The following ARRDC4 variants were observed in gnomAD, a reference collection of about 807,000 sequenced individuals.
ARRDC4 encodes arrestin domain-containing protein 4.
In ARRDC4, 40 loss-of-function variants were observed where a neutral mutation model predicts 44.6. The observed-to-expected ratio is 0.90, with a 90% CI of 0.70 to 1.17. The LOEUF (loss-of-function observed/expected upper bound fraction) is 1.17. Ranked by LOEUF, ARRDC4 falls within the 50% of genes most tolerant of loss-of-function variation. The probability of loss-of-function intolerance (pLI) is 0.00; values close to 1 mark genes in which losing one functional copy is unlikely to be tolerated. For missense variants in ARRDC4, 550 were observed against 559.1 expected (o/e 0.98, Z 0.16); for synonymous variants, 211 against 221.2 (o/e 0.95, Z 0.41).
chr15:97,969,425 A>G lies in ARRDC4; in HGVS notation c.882+46A>G, dbSNP rs896868470. 1.9e-6 allele frequency: 3 copies of G among 1,595,968 alleles called. No homozygotes were observed. In the African/African-American group the frequency reaches 4.0e-5, roughly 21 times the overall value. ...AAAAAAAATGTGTATGATGGACAAT[A>G]ACTGATGTCATGTTACTGTGGGTAT... is the stretch of plus-strand genomic sequence containing the variant. On this transcript the variant is annotated intron_variant, in intron 5 of 7. Coordinates refer to ENST00000268042, the MANE Select transcript of ARRDC4 (RefSeq NM_183376.3).
At position 97,972,419 on chromosome 15, in the gene ARRDC4, G is replaced by C. The variant is rs1899531707; in HGVS notation, c.*1232G>C. 6.6e-6 allele frequency: 1 copy of C among 152,452 alleles called. No homozygotes were observed. Among genetic ancestry groups the C allele is most frequent in the Non-Finnish European group, 1.5e-5 (1 of 68,012 alleles). The allele number at this position is 152,452 out of a possible 1,614,324, so 9.4% of individuals were successfully genotyped here. On this transcript the variant is annotated 3_prime_UTR_variant, in exon 8 of 8. Transcript: ENST00000268042. This position sits in a 1 kb window ranked among gnomAD's most constrained non-coding sequence, Gnocchi z 5.3. ...AACTGTGATTTTCTTTATTGTGTTG[G>C]TGCAATATTTTATTATCATTTAACC...
In ARRDC4 at chr15:97,970,054, T is replaced by C. The variant is rs773513962; in HGVS notation, c.1045+9T>C. 4 of 1,601,742 alleles carry C rather than the reference T, an allele frequency of 2.5e-6. No homozygotes were observed. The highest frequency in any genetic ancestry group is 1.3e-5 in the African/African-American group (1 of 74,616). ...GCCAGAGCAGCCTGAAGGTAAAATA[T>C]GTTGGCGTTCTTTCATAACGAAGCT... On this transcript the variant is annotated intron_variant, in intron 6 of 7. Transcript: ENST00000268042. The surrounding 1 kb of genome is among the most constrained non-coding windows in gnomAD (Gnocchi z 4.2).
rs560510859 is a variant in ARRDC4, at chr15:97,961,446, A to G, written c.307+278A>G. Among the ~76,000 whole-genome samples, 8 of 152,166 alleles carry G rather than the reference A, an allele frequency of 5.3e-5. No individual in the cohort carries two copies. The South Asian group carries it at 1.7e-3, about 32-fold the overall frequency. ...GAGGGGGCCATTGGGTGCGGTGGGAACCTGTGATTGGACAATGGGGGATCC... is the reference window on the plus strand; with the variant it reads ...GAGGGGGCCATTGGGTGCGGTGGGAGCCTGTGATTGGACAATGGGGGATCC... On this transcript the variant is annotated intron_variant, in intron 1 of 7. Coordinates refer to ENST00000268042, the MANE Select transcript of ARRDC4 (RefSeq NM_183376.3).
At position 97,970,872 on chromosome 15, in the gene ARRDC4, C is replaced by G; in HGVS notation, c.1200+129C>G. On this transcript the variant is annotated intron_variant, in intron 7 of 7. Transcript: ENST00000268042. This position sits in a 1 kb window ranked among gnomAD's most constrained non-coding sequence, Gnocchi z 4.2. The stretch of plus-strand genomic sequence containing the variant: ...AGGGATACATTTAAATTTGTTTATA[C>G]AGTGGTAATAGATTATCGCTGATTC... 1 of 1,177,576 alleles carries G rather than the reference C, an allele frequency of 8.5e-7. No homozygotes were observed. Among genetic ancestry groups the G allele is most frequent in the Admixed American group, 2.5e-5 (1 of 39,742 alleles). The allele number at this position is 1,177,576 out of a possible 1,614,324, so 72.9% of individuals were successfully genotyped here. A position where few individuals can be genotyped will look rare whatever the true frequency, so the allele number is the denominator to read the frequency against.
In ARRDC4 at chr15:97,965,714, C is replaced by T. The variant is rs758024203; in HGVS notation, c.374+48C>T. Reference sequence around the variant, plus strand: ...GTGGTTATCCTTCTCTGCAGTATGTCCATTCAAGTTTATCACTGCTAGGTC... The same window carrying T: ...GTGGTTATCCTTCTCTGCAGTATGTTCATTCAAGTTTATCACTGCTAGGTC... On this transcript the variant is annotated intron_variant, in intron 2 of 7. Coordinates refer to ENST00000268042, the MANE Select transcript of ARRDC4 (RefSeq NM_183376.3). This position sits in a 1 kb window ranked among gnomAD's most constrained non-coding sequence, Gnocchi z 5.1. 3 of 1,554,462 alleles carry T rather than the reference C, an allele frequency of 1.9e-6. No individual in the cohort carries two copies. Among genetic ancestry groups the T allele is most frequent in the Non-Finnish European group, 2.7e-6 (3 of 1,126,004 alleles).
Position 97,969,184 on chromosome 15 carries a change from GGCT to G in ARRDC4, c.691_693del (p.Ala231del), listed in dbSNP as rs1899465791. ...GTTCCTCTCGTCTGATTGTTCCAAAGGCTGCTATTTTCCAAACGCAGACATATT... is the reference window on the plus strand; with the variant it reads ...GTTCCTCTCGTCTGATTGTTCCAAAGGCTATTTTCCAAACGCAGACATATT... On this transcript the variant is annotated inframe_deletion, in exon 5 of 8. Coordinates refer to ENST00000268042, the MANE Select transcript of ARRDC4 (RefSeq NM_183376.3). 1 of 1,613,844 alleles carries G rather than the reference GGCT, an allele frequency of 6.2e-7. No homozygotes were observed. The highest frequency in any genetic ancestry group is 8.5e-7 in the Non-Finnish European group (1 of 1,179,868).
chr15:97,964,258 T>A (rs905461993), intron 1 of ARRDC4, among the ~76,000 whole-genome samples: 12 of 152,176 alleles, frequency 7.9e-5, no homozygotes, highest in African/African-American at 2.9e-4. Context: ...GGATAAAAAA[T>A]TCCCATTTCA....
Position 97,968,132 on chromosome 15 carries a change from G to A in ARRDC4, c.625+16G>A, listed in dbSNP as rs780454761. On this transcript the variant is annotated intron_variant, in intron 4 of 7. Coordinates refer to ENST00000268042, the MANE Select transcript of ARRDC4 (RefSeq NM_183376.3). This position sits in a 1 kb window ranked among gnomAD's most constrained non-coding sequence, Gnocchi z 5.4. ...TACTGTAATGGTAAGCAAAATGCTT[G>A]AAAGTCCAAATGAAAGATTTCATTC... 1 of 1,469,134 alleles carries A rather than the reference G, an allele frequency of 6.8e-7. No homozygotes were observed. The highest frequency in any genetic ancestry group is 9.2e-7 in the Non-Finnish European group (1 of 1,085,198). 91.0% of individuals were successfully genotyped at this position (1,469,134 alleles called of 1,614,324 possible). A position where few individuals can be genotyped will look rare whatever the true frequency, so the allele number is the denominator to read the frequency against.
chr15:97,961,196 C>T (rs1290905169), intron 1 of ARRDC4, 28 bp downstream of exon 1: 2 of 1,376,114 alleles, frequency 1.5e-6, no homozygotes, highest in Admixed American at 3.9e-5. Flanking sequence ...CCTGGGGTTC[C>T]CCCGCCAGGC....
In ARRDC4 at chr15:97,967,572, A is replaced by T. The variant is rs1053226654; in HGVS notation, c.523-442A>T. Among the ~76,000 whole-genome samples, 4 of 150,884 alleles carry T rather than the reference A, an allele frequency of 2.7e-5. No homozygotes were observed. Among genetic ancestry groups the T allele is most frequent in the Non-Finnish European group, 5.9e-5 (4 of 67,990 alleles). ...AGTGGTGGGAAAAGGCTGTTTGTTT[A>T]TTCCACTTTATTAAATGCCAAAATA... On this transcript the variant is annotated intron_variant, in intron 3 of 7. Transcript: ENST00000268042. This position sits in a 1 kb window ranked among gnomAD's most constrained non-coding sequence, Gnocchi z 5.0.
chr15:97,968,777 C>G lies in ARRDC4; in HGVS notation c.626-346C>G, dbSNP rs545056562. Among the ~76,000 whole-genome samples, 1 of 152,170 alleles carries G rather than the reference C, an allele frequency of 6.6e-6. No homozygotes were observed. Among genetic ancestry groups the G allele is most frequent in the African/African-American group, 2.4e-5 (1 of 41,454 alleles). Reference sequence around the variant, plus strand: ...TAGGCAGATTTTAATTTGATAAGCACTAATGAGTTTGTTAGTGATCTTTTA... The same window carrying G: ...TAGGCAGATTTTAATTTGATAAGCAGTAATGAGTTTGTTAGTGATCTTTTA... On this transcript the variant is annotated intron_variant, in intron 4 of 7. Coordinates refer to ENST00000268042, the MANE Select transcript of ARRDC4 (RefSeq NM_183376.3). This position sits in a 1 kb window ranked among gnomAD's most constrained non-coding sequence, Gnocchi z 5.4.
In ARRDC4 at chr15:97,969,246, T is replaced by C. The variant is rs1899467385; in HGVS notation, c.749T>C (p.Met250Thr). Residue 250 changes from methionine to threonine, a missense_variant, in exon 5 of 8, where the codon ATG becomes ACG. Met to Thr is a moderately conservative substitution (Grantham distance 81). Transcript: ENST00000268042. ...GGAAAAACAAAGACCATTCGACACA[T>C]GGTCGCCAATGTGCGAGGAAACCAC... ...ASGKTKTIRH[M>T]VANVRGNHIA... is the part of the protein sequence containing the mutation. The C allele has an allele frequency of 6.2e-7, 1 of 1,613,924 alleles. No individual in the cohort carries two copies. Among genetic ancestry groups the C allele is most frequent in the Non-Finnish European group, 8.5e-7 (1 of 1,179,908 alleles).
In ARRDC4 at chr15:97,971,255, G is replaced by T; in HGVS notation, c.*68G>T. The T allele has an allele frequency of 6.8e-7, 1 of 1,463,392 alleles. No individual in the cohort carries two copies. The highest frequency in any genetic ancestry group is 9.6e-7 in the Non-Finnish European group (1 of 1,045,430). 90.7% of individuals were successfully genotyped at this position (1,463,392 alleles called of 1,614,324 possible). A position where few individuals can be genotyped will look rare whatever the true frequency, so the allele number is the denominator to read the frequency against. On this transcript the variant is annotated 3_prime_UTR_variant, in exon 8 of 8. Transcript: ENST00000268042. ...TTGGTTCTTTTCCTTCTGCCTTTTT[G>T]GGAAAGAGACAGGAAAGATTCACTT...
chr15:97,968,182 T>C lies in ARRDC4; in HGVS notation c.625+66T>C. Reference sequence around the variant, plus strand: ...CATTTTCTTAGCTAATTTTAAGTGATTTTAAATAGTGTTTTTTGTAATTAT... The same window carrying C: ...CATTTTCTTAGCTAATTTTAAGTGACTTTAAATAGTGTTTTTTGTAATTAT... On this transcript the variant is annotated intron_variant, in intron 4 of 7. Coordinates refer to ENST00000268042, the MANE Select transcript of ARRDC4 (RefSeq NM_183376.3). The surrounding 1 kb of genome is among the most constrained non-coding windows in gnomAD (Gnocchi z 5.4). 3 of 1,058,520 alleles carry C rather than the reference T, an allele frequency of 2.8e-6. No individual in the cohort carries two copies. Among genetic ancestry groups the C allele is most frequent in the Non-Finnish European group, 2.7e-6 (2 of 742,692 alleles). The allele number at this position is 1,058,520 out of a possible 1,614,324, so 65.6% of individuals were successfully genotyped here. A position where few individuals can be genotyped will look rare whatever the true frequency, so the allele number is the denominator to read the frequency against.
rs544103695 is a variant in ARRDC4, at chr15:97,972,741, T to C, written c.*1554T>C. 2 of 152,750 alleles carry C rather than the reference T, an allele frequency of 1.3e-5. No individual in the cohort carries two copies. The highest frequency in any genetic ancestry group is 4.8e-5 in the African/African-American group (2 of 41,578). The allele number at this position is 152,750 out of a possible 1,614,324, so 9.5% of individuals were successfully genotyped here. ...TTTAACAGAATGATTGATTTTTCTT[T>C]CAATCAGCATGTTCACCAAAAATAG... is the stretch of plus-strand genomic sequence containing the variant. On this transcript the variant is annotated 3_prime_UTR_variant, in exon 8 of 8. Transcript: ENST00000268042. This position sits in a 1 kb window ranked among gnomAD's most constrained non-coding sequence, Gnocchi z 5.3.
At position 97,973,745 on chromosome 15, in the gene ARRDC4, G is replaced by T. The variant is rs1015251292; in HGVS notation, c.*2558G>T. On this transcript the variant is annotated 3_prime_UTR_variant, in exon 8 of 8. Transcript: ENST00000268042. ...CTTTCTTATTTTTATTATTAAAAAT[G>T]TAACAATTTAACCCACAGGAAAAAA... The T allele has an allele frequency of 4.6e-5, 7 of 152,002 alleles. No individual in the cohort carries two copies. The highest frequency in any genetic ancestry group is 1.7e-4 in the African/African-American group (7 of 41,358). 9.4% of individuals were successfully genotyped at this position (152,002 alleles called of 1,614,324 possible). A position where few individuals can be genotyped will look rare whatever the true frequency, so the allele number is the denominator to read the frequency against.
In ARRDC4 at chr15:97,965,001, C is replaced by T. The variant is rs547216964; in HGVS notation, c.308-599C>T. Among the ~76,000 whole-genome samples the T allele has an allele frequency of 2.4e-4, 32 of 131,936 alleles. No homozygotes were observed. Among genetic ancestry groups the T allele is most frequent in the African/African-American group, 9.1e-4 (32 of 35,010 alleles). The allele number at this position is 131,936 out of a possible 152,430, so 86.6% of individuals were successfully genotyped here. A position where few individuals can be genotyped will look rare whatever the true frequency, so the allele number is the denominator to read the frequency against. On this transcript the variant is annotated intron_variant, in intron 1 of 7. Coordinates refer to ENST00000268042, the MANE Select transcript of ARRDC4 (RefSeq NM_183376.3). This position sits in a 1 kb window ranked among gnomAD's most constrained non-coding sequence, Gnocchi z 5.1. ...TAAGCAGTTGTGATTTTTACATACA[C>T]ACACACACACACACACATATACATA...
rs1391672859 is a variant in ARRDC4 at position 97,971,857 on chromosome 15, G to C, written c.*670G>C. 6.6e-6 allele frequency: 1 copy of C among 152,182 alleles called. No individual in the cohort carries two copies. 9.4% of individuals were successfully genotyped at this position (152,182 alleles called of 1,614,324 possible). A position where few individuals can be genotyped will look rare whatever the true frequency, so the allele number is the denominator to read the frequency against. On this transcript the variant is annotated 3_prime_UTR_variant, in exon 8 of 8. Coordinates refer to ENST00000268042, the MANE Select transcript of ARRDC4 (RefSeq NM_183376.3). ...CAAGAAAGGGTTTCTTGAAAAGCTT[G>C]TCGGTTCAAAGAGGAAAGATGAATT...
rs1899406561 is a variant in ARRDC4 at position 97,965,697 on chromosome 15, C to T, written c.374+31C>T. On this transcript the variant is annotated intron_variant, in intron 2 of 7. Coordinates refer to ENST00000268042, the MANE Select transcript of ARRDC4 (RefSeq NM_183376.3). The surrounding 1 kb of genome is among the most constrained non-coding windows in gnomAD (Gnocchi z 5.1). ...TGAAACACTACAATTTTGTGGTTAT[C>T]CTTCTCTGCAGTATGTCCATTCAAG... The T allele has an allele frequency of 6.3e-7, 1 of 1,592,404 alleles. No homozygotes were observed. The highest frequency in any genetic ancestry group is 8.6e-7 in the Non-Finnish European group (1 of 1,160,332).
Sources: allele counts gnomAD v4.1 joint callset (sites outside exome capture counted in the v4.1 genomes callset), GRCh38; gene constraint gnomAD v4.1.1; non-coding constraint Gnocchi (gnomAD v3.1); transcripts MANE v1.5; gene names NCBI Gene and HGNC (gene_info 2026-07-23, HGNC 2026-07-21).